Variants in UBE4B observed in about 807,000 individuals in gnomAD.
UBE4B encodes ubiquitin conjugation factor E4 B.
UBE4B carries 27 observed loss-of-function variants against 148.1 expected under a neutral mutation model. The observed-to-expected ratio is 0.18, with a 90% confidence interval of 0.13 to 0.25. UBE4B has a LOEUF of 0.25. Among genes scored for constraint, UBE4B ranks in the 10% least tolerant of loss-of-function variants. The probability of loss-of-function intolerance (pLI) is 1.00; values close to 1 mark genes in which losing one functional copy is unlikely to be tolerated. For missense variants in UBE4B, 1,170 were observed against 1,662.4 expected, an observed-to-expected ratio of 0.70 and a Z score of 5.15; for synonymous variants, 596 against 619.3, an observed-to-expected ratio of 0.96 and a Z score of 0.56.
At chr1:10,170,002 T>C (rs2102029294) in intron 24 of UBE4B, among the ~76,000 whole-genome samples, 1 of 152,244 alleles carries the variant, frequency 6.6e-6, no homozygotes, top group Non-Finnish European at 1.5e-5. Flanking sequence ...AGAGCAAGAC[T>C]CTTCTCAAAA....
intron 1 of UBE4B, among the ~76,000 whole-genome samples, chr1:10,054,936 C>A (rs1007908912): frequency 6.6e-6 from 1 of 151,958 alleles, no homozygotes; most frequent in African/African-American, 2.4e-5. Flanking sequence ...CAGGCATGCA[C>A]CACCATGCCC....
At chr1:10,082,632 C>CTTTTTTT (rs5772395) in intron 2 of UBE4B, among the ~76,000 whole-genome samples, 74 of 105,888 alleles carry the variant, frequency 7.0e-4, no homozygotes, top group African/African-American at 1.1e-3. Flanking sequence ...AAGAAGGCGA[C>CTTTTTTT]TTTTTTTTTT....
At position 10,082,623 on chromosome 1, in the gene UBE4B, A is replaced by G. The variant is rs527918838; in HGVS notation, c.211+10409A>G. On this transcript the variant is annotated intron_variant, in intron 2 of 27. Transcript: ENST00000343090. The stretch of plus-strand genomic sequence containing the variant: ...TACATAATCACTGTAGGTCCTATTA[A>G]GAAGGCGACTTTTTTTTTTTTTTTT... Among the ~76,000 whole-genome samples, 42 of 151,312 alleles carry G rather than the reference A, an allele frequency of 2.8e-4. No individual in the cohort carries two copies. The East Asian group carries it at 5.4e-3, about 20-fold the overall frequency.
intron 27 of UBE4B, 69 bp from the exon 28 acceptor site, chr1:10,179,826 G>C (rs776445273): frequency 7.6e-6 from 12 of 1,583,112 alleles, no homozygotes; most frequent in Non-Finnish European, 9.5e-6. Context: ...TATACAGAGC[G>C]ACAAGCATCC....
At chr1:10,054,986 A>G (rs949056642) in intron 1 of UBE4B, among the ~76,000 whole-genome samples, 3 of 151,952 alleles carry the variant, frequency 2.0e-5, no homozygotes, top group Non-Finnish European at 4.4e-5. Context: ...GGGTTTCTCC[A>G]TGTTGGTCAG....
intron 1 of UBE4B, among the ~76,000 whole-genome samples, chr1:10,056,233 T>C (rs1400402466): frequency 6.6e-6 from 1 of 152,194 alleles, no homozygotes; most frequent in African/African-American, 2.4e-5. Flanking sequence ...AGATGACACG[T>C]GAGATGCTTT....
rs1645120605 is a variant in UBE4B, at chr1:10,106,799, G to T, written c.1196+216G>T. Among the ~76,000 whole-genome samples, 1 of 152,158 alleles carries T rather than the reference G, an allele frequency of 6.6e-6. No individual in the cohort carries two copies. The highest frequency in any genetic ancestry group is 2.4e-5 in the African/African-American group (1 of 41,444). ...AAAGTTTGGGTTGCTCTATTCTATTGTGAATCCCTTTCTTCCCTTTGAGAG... is the reference window on the plus strand; with the variant it reads ...AAAGTTTGGGTTGCTCTATTCTATTTTGAATCCCTTTCTTCCCTTTGAGAG... On this transcript the variant is annotated intron_variant, in intron 7 of 27. Transcript: ENST00000343090. This position sits in a 1 kb window ranked among gnomAD's most constrained non-coding sequence, Gnocchi z 4.2.
At chr1:10,150,865 A>G (rs1349887272) in intron 20 of UBE4B, among the ~76,000 whole-genome samples, 1 of 139,116 alleles carries the variant, frequency 7.2e-6, no homozygotes, top group Admixed American at 7.3e-5. Flanking sequence ...ATCTCAAGAA[A>G]AAAAAAAAAA....
chr1:10,047,675 G>A lies in UBE4B; in HGVS notation c.24+13981G>A, dbSNP rs146268739. On this transcript the variant is annotated intron_variant, in intron 1 of 27. Transcript: ENST00000343090. ...ACCTGGCTAATTTTTTCTATTTTTA[G>A]TAGAGATGGGGTTTCACCACGTTAG... Among the ~76,000 whole-genome samples, 700 of 151,806 alleles carry A rather than the reference G, an allele frequency of 4.6e-3. 3 individuals carry two copies. Among genetic ancestry groups the A allele is most frequent in the Middle Eastern group, 0.01 (3 of 294 alleles).
intron 10 of UBE4B, among the ~76,000 whole-genome samples, chr1:10,126,530 T>A (rs886565140): frequency 6.6e-6 from 1 of 152,210 alleles, no homozygotes; most frequent in Non-Finnish European, 1.5e-5. Flanking sequence ...CTGGGTTTTG[T>A]TGAATTACTG....
In UBE4B at chr1:10,122,067, G is replaced by A; in HGVS notation, c.1545G>A (p.Val515=). 1 of 1,611,444 alleles carries A rather than the reference G, an allele frequency of 6.2e-7. No homozygotes were observed. The highest frequency in any genetic ancestry group is 8.5e-7 in the Non-Finnish European group (1 of 1,178,444). Residue 515 remains valine (V), a synonymous_variant, in exon 10 of 28, where the codon GTG becomes GTA. Transcript: ENST00000343090. ...GAACCACTCACCAGGATGAAGAAGT[G>A]TTCAAGCAGGTACGGTCGTATGAGT... The part of the protein sequence containing the change: ...LVRTTHQDEE[V]FKQIFIPILQ...
At chr1:10,134,049 CAAA>C (rs367557718) in intron 15 of UBE4B, among the ~76,000 whole-genome samples, 1 of 135,940 alleles carries the variant, frequency 7.4e-6, no homozygotes. Flanking sequence ...AACCCTGTCT[CAAA>C]AAAAAAAAAG....
intron 1 of UBE4B, 108 bp downstream of exon 1, chr1:10,033,802 A>G (rs906535811): frequency 1.6e-5 from 19 of 1,192,616 alleles, no homozygotes; most frequent in Non-Finnish European, 2.1e-5. Context: ...TGGAGAAGGA[A>G]CGGAGATGAT....
Position 10,146,972 on chromosome 1 carries a change from C to A in UBE4B, c.2473C>A (p.Arg825=), listed in dbSNP as rs1323039408. 1.2e-6 allele frequency: 2 copies of A among 1,613,874 alleles called. No homozygotes were observed. Among genetic ancestry groups the A allele is most frequent in the Non-Finnish European group, 1.7e-6 (2 of 1,179,894 alleles). Residue 825 remains arginine, a synonymous_variant, in exon 19 of 28, where the codon CGG becomes AGG. Coordinates refer to ENST00000343090, the MANE Select transcript of UBE4B (RefSeq NM_001105562.3). The part of the protein sequence containing the change: ...RCKTQLKKLV[R]CKACADAGLL... The stretch of plus-strand genomic sequence containing the variant: ...ATCCCTGCTTCCACAGAAACTGGTA[C>A]GGTGCAAGGCCTGTGCTGATGCTGG...
intron 10 of UBE4B, 54 bp downstream of exon 10, chr1:10,122,130 G>A (rs775679079): frequency 7.0e-6 from 9 of 1,276,920 alleles, no homozygotes; most frequent in East Asian, 4.7e-5. Flanking sequence ...CCTCTATGTC[G>A]AGGCTAATTT....
chr1:10,103,002 A>C lies in UBE4B; in HGVS notation c.490A>C (p.Lys164Gln). ...SEEQALQLVC[K>Q]IFRVSWKDRD... ...AGAGCAGGCCTTACAGCTGGTCTGT[A>C]AGATCTTCCGTGTCTCTTGGAAGGA... The change falls in exon 5 of 28, where the codon AAG becomes CAG. Residue 164 changes from lysine to glutamine, a missense_variant. Physicochemically the swap from Lys to Gln is moderately conservative, Grantham distance 53. Coordinates refer to ENST00000343090, the MANE Select transcript of UBE4B (RefSeq NM_001105562.3). 6.2e-7 allele frequency: 1 copy of C among 1,613,766 alleles called. No individual in the cohort carries two copies. Among genetic ancestry groups the C allele is most frequent in the Non-Finnish European group, 8.5e-7 (1 of 1,179,912 alleles).
At chr1:10,039,666 C>G (rs1643682532) in intron 1 of UBE4B, among the ~76,000 whole-genome samples, 1 of 151,812 alleles carries the variant, frequency 6.6e-6, no homozygotes, top group Non-Finnish European at 1.5e-5. Context: ...TTTCAAACTC[C>G]TGACCTCAAG....
intron 1 of UBE4B, chr1:10,059,424 G>T: frequency 4.7e-6 from 1 of 210,998 alleles, no homozygotes; most frequent in South Asian, 8.4e-5. Flanking sequence ...AGATCCAGGA[G>T]GGGAAACAGG....
intron 10 of UBE4B, among the ~76,000 whole-genome samples, chr1:10,125,844 A>G (rs1458164356): frequency 6.6e-6 from 1 of 152,236 alleles, no homozygotes; most frequent in African/African-American, 2.4e-5. Context: ...TATTAATTAC[A>G]CTATATGTGG....
Sources: gnomAD v4.1 joint callset for allele counts (sites outside exome capture counted in the v4.1 genomes callset) on GRCh38, gnomAD v4.1.1 for gene constraint, Gnocchi (gnomAD v3.1) non-coding constraint, MANE v1.5 for transcripts, NCBI Gene and HGNC (gene_info 2026-07-23, HGNC 2026-07-21) for gene names.